The following LBP variants were observed in gnomAD, a reference collection of about 807,000 sequenced individuals.
LBP encodes lipopolysaccharide-binding protein.
LBP carries 53 observed loss-of-function variants against 56.6 expected under a neutral mutation model. That is an observed-to-expected ratio of 0.94 (90% CI 0.75 to 1.18). LBP has a LOEUF of 1.18. LBP is among the 50% of genes most tolerant of loss of function. The pLI, the probability that LBP is intolerant of heterozygous loss-of-function variation, is 0.00. For synonymous variants in LBP, 227 were observed against 247.5 expected, an observed-to-expected ratio of 0.92 and a Z score of 0.78; for missense variants, 601 against 598.3, an observed-to-expected ratio of 1.00 and a Z score of -0.05.
Position 38,349,576 on chromosome 20 carries a change from G to T in LBP, c.153G>T (p.Gln51His), listed in dbSNP as rs368897082. Reference sequence around the variant, plus strand: ...CCCAGGAGGGGCTATTAGCTCTGCAGAGTGAGCTGCTCAGGATCACGCTGC... The same window carrying T: ...CCCAGGAGGGGCTATTAGCTCTGCATAGTGAGCTGCTCAGGATCACGCTGC... Reference protein sequence around the residue: ...YAAQEGLLALQSELLRITLPD... With the variant: ...YAAQEGLLALHSELLRITLPD... The change falls in exon 2 of 15, where the codon CAG (glutamine) becomes CAT (histidine). Residue 51 changes from glutamine to histidine, a missense_variant. Gln to His is a conservative substitution (Grantham distance 24). Transcript: ENST00000217407. The T allele has an allele frequency of 1.2e-6, 2 of 1,610,622 alleles. No individual in the cohort carries two copies. Among genetic ancestry groups the T allele is most frequent in the Non-Finnish European group, 1.7e-6 (2 of 1,178,744 alleles).
chr20:38,355,377 G>T lies in LBP; in HGVS notation c.556G>T (p.Glu186Ter), dbSNP rs768913971. The T allele has an allele frequency of 1.9e-6, 3 of 1,613,790 alleles. No homozygotes were observed. Among genetic ancestry groups the T allele is most frequent in the East Asian group, 2.2e-5 (1 of 44,874 alleles). ...GTTGAACCTCTTCCACAACCAGATT[G>T]AGTCCAAGTTCCAGAAAGTACTGGA... ...WLLNLFHNQI[E>*]SKFQKVLESR... The change falls in exon 5 of 15, where the codon GAG (glutamate) becomes TAG (stop). Residue 186 changes from glutamate (E) to a stop codon, truncating the protein, a stop_gained. Coordinates refer to ENST00000217407, the MANE Select transcript of LBP (RefSeq NM_004139.5). LOFTEE classifies it high-confidence loss of function.
chr20:38,355,997 A>G (rs571435024), intron 5 of LBP, among the ~76,000 whole-genome samples: 2 of 151,144 alleles, frequency 1.3e-5, no homozygotes, highest in Non-Finnish European at 3.0e-5. Context: ...ATATTAGCCA[A>G]ATGGTATCTG....
At chr20:38,347,953 G>A (rs531798654) in intron 1 of LBP, among the ~76,000 whole-genome samples, 5 of 152,316 alleles carry the variant, frequency 3.3e-5, no homozygotes, top group African/African-American at 9.6e-5. Context: ...AGACTGGCTC[G>A]AGACAGGCAG....
intron 12 of LBP, among the ~76,000 whole-genome samples, chr20:38,372,811 A>G (rs1194966510): frequency 2.0e-5 from 3 of 152,170 alleles, no homozygotes; most frequent in African/African-American, 4.8e-5. Context: ...TGTAAATAAA[A>G]CCGATACTAA....
chr20:38,368,175 C>T (rs1323207585), intron 9 of LBP, among the ~76,000 whole-genome samples: 2 of 152,114 alleles, frequency 1.3e-5, no homozygotes, highest in African/African-American at 4.8e-5. Flanking sequence ...AAAACACTGG[C>T]ATCTGACCTC....
Position 38,366,756 on chromosome 20 carries a change from C to T in LBP, c.922-13C>T, listed in dbSNP as rs769077839. On this transcript the variant is annotated splice_polypyrimidine_tract_variant and intron_variant, in intron 8 of 14. Transcript: ENST00000217407. ...GGAGCACCCTAAAACTTCTTCATGT[C>T]TCTTTGCTGCAGATACCGCCTGACT... 6.2e-7 allele frequency: 1 copy of T among 1,613,836 alleles called. No individual in the cohort carries two copies. The highest frequency in any genetic ancestry group is 2.2e-5 in the East Asian group (1 of 44,886).
chr20:38,352,542 G>T (rs1312411844), intron 3 of LBP, among the ~76,000 whole-genome samples: 1 of 152,170 alleles, frequency 6.6e-6, no homozygotes, highest in African/African-American at 2.4e-5. Context: ...ATCATTTGAG[G>T]TCAGGAGTTC....
chr20:38,366,077 C>CA (rs2076880748), intron 8 of LBP, among the ~76,000 whole-genome samples: 1 of 152,056 alleles, frequency 6.6e-6, no homozygotes, highest in Non-Finnish European at 1.5e-5. Flanking sequence ...TTCTGGGTTT[C>CA]AAAAAGTTGT....
In LBP at chr20:38,369,093, C is replaced by G. The variant is rs2232614; in HGVS notation, c.1080C>G (p.Pro360=). The G allele has an allele frequency of 1.2e-4, 199 of 1,614,178 alleles. 1 individual carries two copies. The East Asian group carries it at 4.0e-3, about 32-fold the overall frequency. ...GCCCTGGGAATCTGTCTGTGGACCC[C>G]TATATGGAGATAGATGCCTTTGTGC... ...NFSPGNLSVD[P]YMEIDAFVLL... is the part of the protein sequence containing the mutation. The change falls in exon 10 of 15, where the codon CCC becomes CCG. Residue 360 remains proline, a synonymous_variant. Coordinates refer to ENST00000217407, the MANE Select transcript of LBP (RefSeq NM_004139.5).
At chr20:38,357,327 A>G (rs2076844954) in intron 5 of LBP, among the ~76,000 whole-genome samples, 1 of 152,228 alleles carries the variant, frequency 6.6e-6, no homozygotes, top group Non-Finnish European at 1.5e-5. Flanking sequence ...TTCTAGGGCT[A>G]GGTGTCTTGG....
At chr20:38,374,533 G>T (rs1248296900) in intron 14 of LBP, among the ~76,000 whole-genome samples, 1 of 149,498 alleles carries the variant, frequency 6.7e-6, no homozygotes, top group Non-Finnish European at 1.5e-5. Flanking sequence ...GGAGGTGAAG[G>T]TTGCAGTGAG....
At chr20:38,376,393 G>GGCA (rs1170393337) in intron 14 of LBP, among the ~76,000 whole-genome samples, 1 of 152,150 alleles carries the variant, frequency 6.6e-6, no homozygotes, top group East Asian at 1.9e-4. Flanking sequence ...AGGCCTGCCG[G>GGCA]GCAGCAGCAG....
At position 38,360,718 on chromosome 20, in the gene LBP, C is replaced by A; in HGVS notation, c.603C>A (p.Ile201=). ...ATGTTTTTCAGATTTGCGAAATGAT[C>A]CAGAAATCAGTGTCCTCCGATCTAC... ...KVLESRICEM[I]QKSVSSDLQP... Residue 201 remains isoleucine, a synonymous_variant, in exon 6 of 15, where the codon ATC becomes ATA. Coordinates refer to ENST00000217407, the MANE Select transcript of LBP (RefSeq NM_004139.5). 1 of 1,612,880 alleles carries A rather than the reference C, an allele frequency of 6.2e-7. No individual in the cohort carries two copies. Among genetic ancestry groups the A allele is most frequent in the Non-Finnish European group, 8.5e-7 (1 of 1,178,964 alleles).
chr20:38,374,967 T>TTTTTTTTTTG (rs2076913113), intron 14 of LBP, among the ~76,000 whole-genome samples: 1 of 148,502 alleles, frequency 6.7e-6, no homozygotes, highest in Non-Finnish European at 1.5e-5. Flanking sequence ...TTTTTTTTTT[T>TTTTTTTTTTG]TGTATTTTTG....
At chr20:38,351,938 C>T (rs2076821879) in intron 3 of LBP, among the ~76,000 whole-genome samples, 1 of 151,560 alleles carries the variant, frequency 6.6e-6, no homozygotes, top group Non-Finnish European at 1.5e-5. Flanking sequence ...ACTCAGGAGG[C>T]TAGACAGAAG....
intron 4 of LBP, 143 bp downstream of exon 4, chr20:38,354,582 G>A (rs5741816): frequency 0.042 from 26,752 of 640,252 alleles, 2,967 homozygotes; most frequent in African/African-American, 0.32. Flanking sequence ...GAACCCTGTT[G>A]AGATGAACAG....
Position 38,374,416 on chromosome 20 carries a change from G to A in LBP, c.1401+403G>A, listed in dbSNP as rs146745664. Among the ~76,000 whole-genome samples, 621 of 152,140 alleles carry A rather than the reference G, an allele frequency of 4.1e-3. 2 individuals carry two copies. The highest frequency in any genetic ancestry group is 0.02 in the Middle Eastern group (6 of 294). The stretch of plus-strand genomic sequence containing the variant: ...GTTTGAGACCAGCCTGGCCAACATG[G>A]TGAAACCCCATCTCTATTAAAAATA... On this transcript the variant is annotated intron_variant, in intron 14 of 14. Transcript: ENST00000217407.
At chr20:38,354,503 T>C in intron 4 of LBP, 64 bp downstream of exon 4, 1 of 1,468,560 alleles carries the variant, frequency 6.8e-7, no homozygotes, top group Non-Finnish European at 9.2e-7. Context: ...AATCCAGCGC[T>C]CAGCCTGGCC....
At chr20:38,362,053 C>CT (rs1229689650) in intron 6 of LBP, among the ~76,000 whole-genome samples, 1,492 of 117,634 alleles carry the variant, frequency 0.013, 14 homozygotes, top group East Asian at 0.035. Context: ...TTTTTGTTTT[C>CT]TTTTTTTTTT....
Sources: allele counts gnomAD v4.1 joint callset (sites outside exome capture counted in the v4.1 genomes callset), GRCh38; gene constraint gnomAD v4.1.1; transcripts MANE v1.5; gene names NCBI Gene and HGNC (gene_info 2026-07-23, HGNC 2026-07-21).